Variants in TLE2 observed in about 807,000 individuals in gnomAD.
TLE2 encodes transducin-like enhancer protein 2.
TLE2 carries 74 observed loss-of-function variants against 97.2 expected under a neutral mutation model. That is an observed-to-expected ratio of 0.76 (90% CI 0.63 to 0.92). The LOEUF (loss-of-function observed/expected upper bound fraction) is 0.92, where lower values mean the gene tolerates loss of function less well. TLE2 is among the 40% of genes least tolerant of loss of function. TLE2 has a pLI of 0.00. For synonymous variants in TLE2, 499 were observed against 432.1 expected (o/e 1.15, Z -1.92); for missense variants, 1,038 against 1,008.7 (o/e 1.03, Z -0.39).
At chr19:3,029,616 A>G (rs1599248964), upstream of TLE2, 1 of 296,828 alleles carries the variant, frequency 3.4e-6, no homozygotes, top group Non-Finnish European at 4.9e-6. Flanking sequence ...GGCTTTTCTG[A>G]GCAAGTGACA....
intron 8 of TLE2, among the ~76,000 whole-genome samples, chr19:3,016,358 A>C (rs199617543): frequency 1.2e-4 from 17 of 147,262 alleles, no homozygotes; most frequent in African/African-American, 4.2e-4. Context: ...GGCGGATCAC[A>C]AGGTCAGGAG....
In TLE2 at chr19:2,997,958, G is replaced by T. The variant is rs763682574; in HGVS notation, c.2125-3C>A. ...AGGACTGAGGACGACTCCTTGGACT[G>T]CCAAGGGAAGGGAGAGAGAAAAGGG... On this transcript the variant is annotated splice_polypyrimidine_tract_variant and splice_region_variant and intron_variant, in intron 19 of 19. Transcript: ENST00000262953. The T allele has an allele frequency of 7.5e-6, 12 of 1,601,038 alleles. No individual in the cohort carries two copies. In the South Asian group the frequency reaches 1.2e-4, roughly 16 times the overall value.
At chr19:3,022,528 C>G (rs1281141452) in intron 5 of TLE2, among the ~76,000 whole-genome samples, 1 of 101,676 alleles carries the variant, frequency 9.8e-6, no homozygotes. Flanking sequence ...GACTCTGTCT[C>G]AAAAAAAAAA....
rs770021075 is a variant in TLE2 at position 3,006,582 on chromosome 19, C to T, written c.1338G>A (p.Arg446=). The change falls in exon 15 of 20, where the codon CGG becomes CGA. Residue 446 remains arginine, a synonymous_variant. Transcript: ENST00000262953. ...SDALVGAGIP[R]HARQLHTLAH... Reference sequence around the variant, plus strand: ...CCAGCGTGTGCAGCTGCCGGGCGTGCCGCGGGATGCCCGCGCCTACCAGTG... The same window carrying T: ...CCAGCGTGTGCAGCTGCCGGGCGTGTCGCGGGATGCCCGCGCCTACCAGTG... 3.1e-6 allele frequency: 5 copies of T among 1,605,428 alleles called. No homozygotes were observed. Among genetic ancestry groups the T allele is most frequent in the South Asian group, 1.1e-5 (1 of 89,780 alleles).
chr19:3,043,660 A>G (rs904360580), intron 1 of TLE2, among the ~76,000 whole-genome samples: 17 of 144,552 alleles, frequency 1.2e-4, no homozygotes, highest in Non-Finnish European at 2.4e-4. Context: ...AAAAAAAAAA[A>G]TTAGCCAGGC....
At position 3,005,965 on chromosome 19, in the gene TLE2, G is replaced by A. The variant is rs962570022; in HGVS notation, c.1504C>T (p.Arg502Ter). 1.9e-6 allele frequency: 3 copies of A among 1,609,648 alleles called. No homozygotes were observed. Among genetic ancestry groups the A allele is most frequent in the Non-Finnish European group, 2.6e-6 (3 of 1,176,452 alleles). ...TPVAQLDCLN[R>*]DNYIRSCKLL... The stretch of plus-strand genomic sequence containing the variant: ...TTGCAGGAACGAATGTAGTTGTCTC[G>A]GTTCTGGGGTCGGGGAGAGAAGCAG... Residue 502 changes from arginine to a stop codon, truncating the protein, a stop_gained, in exon 16 of 20, where the codon CGA (arginine) becomes TGA (stop). Transcript: ENST00000262953. LOFTEE classifies it high-confidence loss of function.
intron 1 of TLE2, among the ~76,000 whole-genome samples, chr19:3,034,661 G>A (rs909248993): frequency 4.6e-5 from 7 of 151,088 alleles, no homozygotes; most frequent in Non-Finnish European, 2.9e-5. Flanking sequence ...TGTCTTCTTC[G>A]CCTCCTGTCT....
In TLE2 at chr19:3,005,427, C is replaced by A; in HGVS notation, c.1896+10G>T. ...GCTTCCATCCCCCTCCTGCCAGAAC[C>A]GAACAGCACCTGGGAGCTGAAGTCA... On this transcript the variant is annotated intron_variant, in intron 17 of 19. Transcript: ENST00000262953. The A allele has an allele frequency of 6.2e-7, 1 of 1,613,042 alleles. No individual in the cohort carries two copies. The highest frequency in any genetic ancestry group is 8.5e-7 in the Non-Finnish European group (1 of 1,179,498).
chr19:3,034,149 A>C (rs888256627), upstream of TLE2, among the ~76,000 whole-genome samples: 5 of 151,800 alleles, frequency 3.3e-5, no homozygotes, highest in South Asian at 1.0e-3. Context: ...CAGATACTCT[A>C]AACCAGAGCA....
chr19:3,006,688 C>A lies in TLE2; in HGVS notation c.1251-19G>T. The A allele has an allele frequency of 6.4e-7, 1 of 1,571,178 alleles. No individual in the cohort carries two copies. The highest frequency in any genetic ancestry group is 8.7e-7 in the Non-Finnish European group (1 of 1,155,790). ...GTAGGCCCTGGAGAGAAAGCCGGGGCATGACCCAGCCCTGGGCACCACGCC... is the reference window on the plus strand; with the variant it reads ...GTAGGCCCTGGAGAGAAAGCCGGGGAATGACCCAGCCCTGGGCACCACGCC... On this transcript the variant is annotated intron_variant, in intron 14 of 19. Transcript: ENST00000262953.
chr19:3,037,791 A>G (rs1488646395), intron 1 of TLE2, among the ~76,000 whole-genome samples: 1 of 152,120 alleles, frequency 6.6e-6, no homozygotes, highest in Non-Finnish European at 1.5e-5. Flanking sequence ...AAGATTAATA[A>G]TAGAATCTTC....
chr19:3,029,882 G>C (rs1246306313), upstream of TLE2, among the ~76,000 whole-genome samples: 1 of 151,948 alleles, frequency 6.6e-6, no homozygotes, highest in Non-Finnish European at 1.5e-5. Flanking sequence ...CTGCAGCCTC[G>C]AACTCCTGGG....
upstream of TLE2, chr19:3,029,522 G>T: frequency 1.0e-6 from 1 of 969,552 alleles, no homozygotes; most frequent in Non-Finnish European, 1.2e-6. Flanking sequence ...AGAAAAACCA[G>T]TGAAGAAATT....
upstream of TLE2, among the ~76,000 whole-genome samples, chr19:3,030,312 A>G (rs542747780): frequency 1.6e-4 from 25 of 152,324 alleles, no homozygotes; most frequent in South Asian, 5.2e-3. Flanking sequence ...CTCCCACGGC[A>G]AAGGCTCCAG....
intron 19 of TLE2, among the ~76,000 whole-genome samples, chr19:2,998,429 C>G (rs1262753601): frequency 2.0e-5 from 3 of 151,990 alleles, no homozygotes; most frequent in Non-Finnish European, 4.4e-5. Context: ...AGGTGCATGC[C>G]ACCATGCCTG....
intron 7 of TLE2, among the ~76,000 whole-genome samples, chr19:3,018,111 G>A (rs2089754257): frequency 6.6e-6 from 1 of 152,088 alleles, no homozygotes; most frequent in South Asian, 2.1e-4. Flanking sequence ...TGAACCCCAG[G>A]GCCTTGCAGC....
chr19:3,006,191 C>G (rs749225892), intron 15 of TLE2: 5 of 964,580 alleles, frequency 5.2e-6, no homozygotes, highest in Admixed American at 3.4e-5. Flanking sequence ...CATGGTTGGC[C>G]TGCAAACCCT....
intron 17 of TLE2, 37 bp from the exon 18 acceptor site, chr19:3,002,540 CCT>C (rs1335376998): frequency 1.9e-6 from 3 of 1,538,840 alleles, no homozygotes; most frequent in Admixed American, 4.0e-5. Context: ...GTCACGAGCC[CCT>C]CTTTGTTTTG....
At chr19:3,030,176 T>C (rs755836170), upstream of TLE2, among the ~76,000 whole-genome samples, 21 of 152,188 alleles carry the variant, frequency 1.4e-4, no homozygotes, top group Admixed American at 1.4e-3. Flanking sequence ...CAGATGGGAA[T>C]TGTGTTCCTA....
Sources: gnomAD v4.1 joint callset for allele counts (sites outside exome capture counted in the v4.1 genomes callset) on GRCh38, gnomAD v4.1.1 for gene constraint, MANE v1.5 for transcripts, NCBI Gene and HGNC (gene_info 2026-07-23, HGNC 2026-07-21) for gene names.